Variants in IPO11 observed in about 807,000 individuals in gnomAD.
IPO11 encodes importin 11.
In IPO11, 66 loss-of-function variants were observed where a neutral mutation model predicts 143.2. That is an observed-to-expected ratio of 0.46 (90% CI 0.38 to 0.57). The LOEUF (loss-of-function observed/expected upper bound fraction) is 0.57, where lower values mean the gene tolerates loss of function less well. Among genes scored for constraint, IPO11 ranks in the 20% least tolerant of loss-of-function variants. The pLI is 0.00. For missense variants in IPO11, 1,026 were observed against 1,141.0 expected, an observed-to-expected ratio of 0.90 and a Z score of 1.45; for synonymous variants, 385 against 377.8, an observed-to-expected ratio of 1.02 and a Z score of -0.22.
intron 27 of IPO11, among the ~76,000 whole-genome samples, chr5:62,582,391 T>C (rs891368425): frequency 6.6e-6 from 1 of 152,158 alleles, no homozygotes; most frequent in African/African-American, 2.4e-5. Context: ...GTTTTTGGCT[T>C]AGGCAGTTTT....
At chr5:62,456,949 G>C (rs548100254) in intron 5 of IPO11, among the ~76,000 whole-genome samples, 1 of 151,894 alleles carries the variant, frequency 6.6e-6, no homozygotes, top group Non-Finnish European at 1.5e-5. Flanking sequence ...AAAATTAGCC[G>C]GGTGCCTGTA....
chr5:62,590,746 C>T (rs955870634), intron 27 of IPO11, among the ~76,000 whole-genome samples: 1 of 152,006 alleles, frequency 6.6e-6, no homozygotes, highest in African/African-American at 2.4e-5. Flanking sequence ...GATTTACCTC[C>T]TTAATGTATA....
intron 29 of IPO11, among the ~76,000 whole-genome samples, chr5:62,608,570 G>T (rs1417027751): frequency 6.6e-6 from 1 of 152,090 alleles, no homozygotes; most frequent in African/African-American, 2.4e-5. Context: ...ACGTTATATG[G>T]TTTCTGCCTC....
At chr5:62,537,496 A>G (rs1179657048) in intron 24 of IPO11, among the ~76,000 whole-genome samples, 1 of 152,152 alleles carries the variant, frequency 6.6e-6, no homozygotes, top group Non-Finnish European at 1.5e-5. Flanking sequence ...CAAGAGATCA[A>G]CTGGACATCT....
At chr5:62,541,456 G>T (rs981028599) in intron 24 of IPO11, among the ~76,000 whole-genome samples, 3 of 152,202 alleles carry the variant, frequency 2.0e-5, no homozygotes, top group Middle Eastern at 3.4e-3. Flanking sequence ...GAGGCAGGCG[G>T]ATCACTTGAT....
At chr5:62,495,634 C>T (rs1741106237) in intron 16 of IPO11, among the ~76,000 whole-genome samples, 1 of 151,960 alleles carries the variant, frequency 6.6e-6, no homozygotes, top group African/African-American at 2.4e-5. Context: ...CAACGCCTGG[C>T]TGATTTTTCT....
intron 27 of IPO11, among the ~76,000 whole-genome samples, chr5:62,585,793 A>G (rs1744750827): frequency 6.6e-6 from 1 of 152,194 alleles, no homozygotes; most frequent in Admixed American, 6.5e-5. Flanking sequence ...AATAGTAGGA[A>G]TATAGAGGAG....
intron 1 of IPO11, 131 bp from the exon 2 acceptor site, chr5:62,437,139 TAGAA>T (rs1026534113): frequency 7.0e-6 from 4 of 574,768 alleles, no homozygotes; most frequent in Non-Finnish European, 1.1e-5. Context: ...TTAGAAAAGA[TAGAA>T]AGGCAGAACA....
chr5:62,440,586 A>G (rs1744433132), intron 2 of IPO11, among the ~76,000 whole-genome samples: 2 of 151,640 alleles, frequency 1.3e-5, no homozygotes, highest in Non-Finnish European at 2.9e-5. Context: ...CTAACTCCTG[A>G]CCTCAAATAA....
chr5:62,585,665 CCTT>C (rs1256262549), intron 27 of IPO11, among the ~76,000 whole-genome samples: 2 of 151,928 alleles, frequency 1.3e-5, no homozygotes, highest in Non-Finnish European at 1.5e-5. Context: ...TTTGTAAAAG[CCTT>C]CTAGTGTGCC....
chr5:62,506,351 C>A lies in IPO11; in HGVS notation c.1776C>A (p.Asn592Lys). 2.6e-6 allele frequency: 4 copies of A among 1,518,548 alleles called. No homozygotes were observed. The highest frequency in any genetic ancestry group is 3.6e-6 in the Non-Finnish European group (4 of 1,096,852). The allele number at this position is 1,518,548 out of a possible 1,614,324, so 94.1% of individuals were successfully genotyped here. The change falls in exon 19 of 30, where the codon AAC (asparagine) becomes AAA (lysine). Residue 592 changes from asparagine to lysine, a missense_variant. By Grantham distance (94) the Asn-to-Lys change is moderately conservative. Around this residue, in one of 5 missense-constraint regions of IPO11, gnomAD observed 237 missense variants for 288.0 expected, o/e 0.82. Coordinates refer to ENST00000325324, the MANE Select transcript of IPO11 (RefSeq NM_016338.5). Reference protein sequence around the residue: ...HVLSCVIERVNMQIRPYVGCL... With the variant: ...HVLSCVIERVKMQIRPYVGCL... ...TTTCTTGTGTGATCGAAAGAGTCAACATGCAGGTAATTATATTGTAAAACA... is the reference window on the plus strand; with the variant it reads ...TTTCTTGTGTGATCGAAAGAGTCAAAATGCAGGTAATTATATTGTAAAACA...
At chr5:62,558,324 ACAT>A (rs954843082) in intron 26 of IPO11, among the ~76,000 whole-genome samples, 4 of 152,242 alleles carry the variant, frequency 2.6e-5, no homozygotes, top group African/African-American at 4.8e-5. Context: ...CTAGTTTAGA[ACAT>A]CATCTGGTAT....
intron 5 of IPO11, among the ~76,000 whole-genome samples, chr5:62,455,863 TAC>T (rs1410804073): frequency 6.6e-6 from 1 of 152,004 alleles, no homozygotes; most frequent in African/African-American, 2.4e-5. Context: ...TAGCTAGGAT[TAC>T]AGACATGCGC....
chr5:62,550,252 A>G (rs889175373), intron 24 of IPO11, 115 bp from the exon 25 acceptor site: 21 of 679,634 alleles, frequency 3.1e-5, no homozygotes, highest in Middle Eastern at 2.9e-4. Context: ...GCATACGTGT[A>G]TGCATTCTTA....
At chr5:62,456,173 G>T (rs1745146129) in intron 5 of IPO11, among the ~76,000 whole-genome samples, 1 of 152,046 alleles carries the variant, frequency 6.6e-6, no homozygotes, top group Non-Finnish European at 1.5e-5. Context: ...CACCATGCCT[G>T]GCTAATTTTT....
At chr5:62,567,558 C>T (rs892070941) in intron 27 of IPO11, among the ~76,000 whole-genome samples, 49 of 70,144 alleles carry the variant, frequency 7.0e-4, no homozygotes, top group East Asian at 1.5e-3. Flanking sequence ...CTTACATTTC[C>T]TTTTTTTTTT....
intron 1 of IPO11, among the ~76,000 whole-genome samples, chr5:62,418,378 C>T (rs1382159975): frequency 6.6e-6 from 1 of 152,112 alleles, no homozygotes; most frequent in Non-Finnish European, 1.5e-5. Context: ...ATCTCAAACT[C>T]CTGACCTCAG....
In IPO11 at chr5:62,581,213, T is replaced by C. The variant is rs1368776459; in HGVS notation, c.2583-10364T>C. The C allele has an allele frequency of 2.9e-5, 45 of 1,550,814 alleles. No individual in the cohort carries two copies. The highest frequency in any genetic ancestry group is 3.9e-5 in the Non-Finnish European group (45 of 1,146,646). On this transcript the variant is annotated intron_variant, in intron 27 of 29. Transcript: ENST00000325324. ...ATTTGTAACACTTCCCCAAATTCTC[T>C]AGAAAGTCCTGGCTTGGAGCAGATT...
chr5:62,544,482 A>C (rs972534501), intron 24 of IPO11, among the ~76,000 whole-genome samples: 5 of 152,180 alleles, frequency 3.3e-5, no homozygotes, highest in African/African-American at 1.2e-4. Context: ...TGACAAACCC[A>C]CAGCCAATAT....
Sources: allele counts gnomAD v4.1 joint callset (sites outside exome capture counted in the v4.1 genomes callset), GRCh38; gene constraint gnomAD v4.1.1; regional missense constraint gnomAD v4.1.1; transcripts MANE v1.5; gene names NCBI Gene and HGNC (gene_info 2026-07-23, HGNC 2026-07-21).